Variants in KLRC1 observed in about 807,000 individuals in gnomAD.
The protein encoded by KLRC1 is killer cell lectin like receptor C1, also known as NKG2-A/NKG2-B type II integral membrane protein.
In KLRC1, 22 loss-of-function variants were observed where a neutral mutation model predicts 25.9. The ratio of observed to expected loss-of-function variants is 0.85; its 90% CI spans 0.61 to 1.21. The LOEUF (loss-of-function observed/expected upper bound fraction) is 1.21, where lower values mean the gene tolerates loss of function less well. Among genes scored for constraint, KLRC1 ranks in the 50% most tolerant of loss-of-function variants. The pLI is 0.00. For missense variants in KLRC1, 240 were observed against 272.2 expected (o/e 0.88, Z 0.83); for synonymous variants, 77 against 93.1 (o/e 0.83, Z 0.99).
chr12:10,452,832 A>G (rs1482130473), intron 1 of KLRC1, among the ~76,000 whole-genome samples: 5 of 152,154 alleles, frequency 3.3e-5, no homozygotes, highest in Non-Finnish European at 7.4e-5. Flanking sequence ...TCATCAATTG[A>G]TTGATTTATT....
In KLRC1 at chr12:10,446,682, A is replaced by G. The variant is rs1469506994; in HGVS notation, c.591-20T>C. The G allele has an allele frequency of 6.8e-6, 11 of 1,613,130 alleles. No homozygotes were observed. The highest frequency in any genetic ancestry group is 9.3e-6 in the Non-Finnish European group (11 of 1,179,210). The stretch of plus-strand genomic sequence containing the variant: ...TTTATCCTGTAATGGAGAAAAATCC[A>G]TATTCTGTTACATTTTAAGCAAATG... On this transcript the variant is annotated intron_variant, in intron 6 of 6. Coordinates refer to ENST00000359151, the MANE Select transcript of KLRC1 (RefSeq NM_002259.5).
Position 10,446,403 on chromosome 12 carries a change from G to C in KLRC1, c.*148C>G. On this transcript the variant is annotated 3_prime_UTR_variant, in exon 7 of 7. Coordinates refer to ENST00000359151, the MANE Select transcript of KLRC1 (RefSeq NM_002259.5). ...CTAGGATGTCTGTACTTTAGTAATTGTGTGTATCCTGTTTCAATAATTGAT... is the reference window on the plus strand; with the variant it reads ...CTAGGATGTCTGTACTTTAGTAATTCTGTGTATCCTGTTTCAATAATTGAT... 7.0e-7 allele frequency: 1 copy of C among 1,426,744 alleles called. No individual in the cohort carries two copies. Among genetic ancestry groups the C allele is most frequent in the African/African-American group, 1.4e-5 (1 of 69,324 alleles). 88.4% of individuals were successfully genotyped at this position (1,426,744 alleles called of 1,614,324 possible).
chr12:10,446,763 G>A, intron 6 of KLRC1, 101 bp from the exon 7 acceptor site: 1 of 1,400,404 alleles, frequency 7.1e-7, no homozygotes, highest in Non-Finnish European at 1.0e-6. Flanking sequence ...TCATGGAAAA[G>A]GGTAATTAAA....
At chr12:10,443,393 T>C (rs1379329343), downstream of KLRC1, among the ~76,000 whole-genome samples, 1 of 140,372 alleles carries the variant, frequency 7.1e-6, no homozygotes, top group Non-Finnish European at 1.6e-5. Flanking sequence ...ATTACAGTTG[T>C]AATAGTGCCG....
upstream of KLRC1, chr12:10,454,685 T>C (rs1039812623): frequency 2.2e-6 from 2 of 927,882 alleles, no homozygotes; most frequent in African/African-American, 3.6e-5. Context: ...CTCTCAACTG[T>C]GACCTGAGTT....
At chr12:10,445,568 C>A (rs1300321177), downstream of KLRC1, among the ~76,000 whole-genome samples, 2 of 151,944 alleles carry the variant, frequency 1.3e-5, no homozygotes, top group Non-Finnish European at 2.9e-5. Flanking sequence ...GGGTATAAAA[C>A]CCTAGCCAGT....
chr12:10,454,304 T>A (rs532902443), upstream of KLRC1: 2 of 152,200 alleles, frequency 1.3e-5, no homozygotes, highest in East Asian at 3.9e-4. Context: ...TTTTAGGGAA[T>A]AGATTTGCAT....
In KLRC1 at chr12:10,453,348, C is replaced by G. The variant is rs971103616; in HGVS notation, c.-182G>C. 5 of 985,302 alleles carry G rather than the reference C, an allele frequency of 5.1e-6. No homozygotes were observed. The highest frequency in any genetic ancestry group is 6.0e-6 in the Non-Finnish European group (5 of 829,934). The allele number at this position is 985,302 out of a possible 1,614,324, so 61.0% of individuals were successfully genotyped here. A position where few individuals can be genotyped will look rare whatever the true frequency, so the allele number is the denominator to read the frequency against. ...ATGCCTGCAATCTTCGCAGACTGCC[C>G]TGTGAAGGCTCAGAGTGAGTCAAGA... On this transcript the variant is annotated 5_prime_UTR_variant, in exon 1 of 7. Transcript: ENST00000359151.
At chr12:10,450,302 C>T (rs1864094718) in intron 3 of KLRC1, 182 bp downstream of exon 3, 11 of 514,556 alleles carry the variant, frequency 2.1e-5, no homozygotes, top group Admixed American at 1.1e-4. Context: ...GCATCAGAAG[C>T]GAATACTTTC....
At chr12:10,449,793 T>A in intron 4 of KLRC1, 121 bp downstream of exon 4, 1 of 769,816 alleles carries the variant, frequency 1.3e-6, no homozygotes. Context: ...TACTCTAATT[T>A]TATTTATGAA....
In KLRC1 at chr12:10,447,620, T is replaced by G. The variant is rs771368018; in HGVS notation, c.502A>C (p.Ile168Leu). Reference sequence around the variant, plus strand: ...CCAATCCATGAGGATGGTGAAATGATGGACAGAAATTTCTAAAAGAAAAGA... The same window carrying G: ...CCAATCCATGAGGATGGTGAAATGAGGGACAGAAATTTCTAAAAGAAAAGA... ...DNEEEMKFLS[I>L]ISPSSWIGVF... The change falls in exon 6 of 7, where the codon ATC becomes CTC. Residue 168 changes from isoleucine to leucine, a missense_variant. Physicochemically the swap from Ile to Leu is conservative, Grantham distance 5. Transcript: ENST00000359151. The G allele has an allele frequency of 6.2e-7, 1 of 1,601,500 alleles. No individual in the cohort carries two copies. The highest frequency in any genetic ancestry group is 8.5e-7 in the Non-Finnish European group (1 of 1,174,024).
chr12:10,454,008 C>T (rs1391098484), upstream of KLRC1, among the ~76,000 whole-genome samples: 1 of 152,212 alleles, frequency 6.6e-6, no homozygotes, highest in Non-Finnish European at 1.5e-5. Context: ...TCATTACATT[C>T]TTCATTTATT....
rs1254181836 is a variant in KLRC1 at position 10,446,374 on chromosome 12, A to G, written c.*177T>C. The stretch of plus-strand genomic sequence containing the variant: ...TGTTGAGCAAAATGAGCCCGACACA[A>G]ATGCTAGGATGTCTGTACTTTAGTA... On this transcript the variant is annotated 3_prime_UTR_variant, in exon 7 of 7. Transcript: ENST00000359151. 2 of 1,379,600 alleles carry G rather than the reference A, an allele frequency of 1.4e-6. No individual in the cohort carries two copies. Among genetic ancestry groups the G allele is most frequent in the South Asian group, 1.7e-5 (1 of 57,588 alleles). The allele number at this position is 1,379,600 out of a possible 1,614,324, so 85.5% of individuals were successfully genotyped here. A position where few individuals can be genotyped will look rare whatever the true frequency, so the allele number is the denominator to read the frequency against.
chr12:10,451,548 C>T (rs576310714), intron 1 of KLRC1, among the ~76,000 whole-genome samples: 10 of 151,728 alleles, frequency 6.6e-5, no homozygotes, highest in East Asian at 3.9e-4. Flanking sequence ...CCTAGCTACT[C>T]GGGAGGCTGA....
intron 1 of KLRC1, among the ~76,000 whole-genome samples, chr12:10,451,545 A>C (rs779400466): frequency 6.6e-5 from 10 of 151,854 alleles, no homozygotes; most frequent in Non-Finnish European, 1.2e-4. Flanking sequence ...AGTCCTAGCT[A>C]CTCGGGAGGC....
intron 4 of KLRC1, among the ~76,000 whole-genome samples, 171 bp downstream of exon 4, chr12:10,449,743 C>T (rs1243804132): frequency 6.6e-6 from 1 of 152,112 alleles, no homozygotes; most frequent in Non-Finnish European, 1.5e-5. Flanking sequence ...AAAAAGAAAG[C>T]ATAGTGATTT....
upstream of KLRC1, among the ~76,000 whole-genome samples, chr12:10,454,105 A>G (rs191335537): frequency 7.9e-5 from 12 of 152,368 alleles, no homozygotes; most frequent in Admixed American, 6.5e-4. Flanking sequence ...ATGTATGGGG[A>G]AAAAGTAATT....
At position 10,451,012 on chromosome 12, in the gene KLRC1, A is replaced by C. The variant is rs1315042132; in HGVS notation, c.145T>G (p.Ser49Ala). ...TYAELNLQKA[S>A]QDFQGNDKTY... ...TTGTCATTCCCTTGAAAATCCTGAG[A>C]AGCTTTTTGAAGGTTTAATTCCGCA... is the stretch of plus-strand genomic sequence containing the variant. Residue 49 changes from serine to alanine, a missense_variant, in exon 2 of 7, where the codon TCT (serine) becomes GCT (alanine). Transcript: ENST00000359151. The C allele has an allele frequency of 1.2e-6, 2 of 1,613,324 alleles. No homozygotes were observed. Among genetic ancestry groups the C allele is most frequent in the East Asian group, 2.2e-5 (1 of 44,864 alleles).
chr12:10,450,495 A>T lies in KLRC1; in HGVS notation c.272T>A (p.Val91Asp). Residue 91 changes from valine to aspartate, a missense_variant, in exon 3 of 7, where the codon GTT (valine) becomes GAT (aspartate). Coordinates refer to ENST00000359151, the MANE Select transcript of KLRC1 (RefSeq NM_002259.5). ...LILMASVVTI[V>D]VIPSTLIQRH... ...GAAAATAGACTTACAGGGAATAACA[A>T]CTATCGTTACCACAGAGGCCATTAA... is the stretch of plus-strand genomic sequence containing the variant. The T allele has an allele frequency of 6.3e-7, 1 of 1,593,154 alleles. No homozygotes were observed. Among genetic ancestry groups the T allele is most frequent in the Non-Finnish European group, 8.6e-7 (1 of 1,161,474 alleles).
Sources: gnomAD v4.1 joint callset for allele counts (sites outside exome capture counted in the v4.1 genomes callset) on GRCh38, gnomAD v4.1.1 for gene constraint, MANE v1.5 for transcripts, NCBI Gene and HGNC (gene_info 2026-07-23, HGNC 2026-07-21) for gene names.